Variants in FOXP4 observed in about 807,000 individuals in gnomAD.
FOXP4 encodes the protein forkhead box P4.
A neutral mutation model predicts 82.6 loss-of-function variants in FOXP4; 25 were observed. The ratio of observed to expected loss-of-function variants is 0.30; its 90% CI spans 0.22 to 0.42. The LOEUF (loss-of-function observed/expected upper bound fraction) is 0.42, where lower values mean the gene tolerates loss of function less well. Among genes scored for constraint, FOXP4 ranks in the 10% least tolerant of loss-of-function variants. The probability of loss-of-function intolerance (pLI) is 1.00; values close to 1 mark genes in which losing one functional copy is unlikely to be tolerated. For synonymous variants in FOXP4, 415 were observed against 388.2 expected (o/e 1.07, Z -0.81); for missense variants, 785 against 900.9 (o/e 0.87, Z 1.65).
At chr6:41,567,276 G>A (rs913162638) in intron 2 of FOXP4, among the ~76,000 whole-genome samples, 2 of 152,224 alleles carry the variant, frequency 1.3e-5, no homozygotes, top group Non-Finnish European at 1.5e-5. Flanking sequence ...CAGCTCATTT[G>A]TTGATGTGGA....
intron 3 of FOXP4, among the ~76,000 whole-genome samples, chr6:41,581,014 G>C (rs1298062217): frequency 1.3e-5 from 2 of 152,240 alleles, no homozygotes; most frequent in Non-Finnish European, 2.9e-5. Context: ...TATCATAGAA[G>C]GCAGCACAGG....
At chr6:41,548,238 A>C (rs1040448626) in intron 1 of FOXP4, 1 of 152,102 alleles carries the variant, frequency 6.6e-6, no homozygotes, top group African/African-American at 2.4e-5. Context: ...CCCAACGTCT[A>C]GTCTCCCCGC....
chr6:41,590,815 C>T (rs1482831810), intron 12 of FOXP4, among the ~76,000 whole-genome samples: 1 of 152,224 alleles, frequency 6.6e-6, no homozygotes, highest in Non-Finnish European at 1.5e-5. Context: ...GTCACACACA[C>T]ACTGTGCTTA....
chr6:41,571,489 G>A (rs1251429715), intron 2 of FOXP4, among the ~76,000 whole-genome samples: 1 of 152,184 alleles, frequency 6.6e-6, no homozygotes, highest in African/African-American at 2.4e-5. Flanking sequence ...CATTTTCAAG[G>A]CACTTGGTAG....
chr6:41,570,833 C>T (rs1278267780), intron 2 of FOXP4, among the ~76,000 whole-genome samples: 1 of 152,140 alleles, frequency 6.6e-6, no homozygotes, highest in Non-Finnish European at 1.5e-5. Flanking sequence ...CTAGGGTCAC[C>T]TCATCAGGGC....
chr6:41,547,514 G>A (rs1763713768), intron 1 of FOXP4: 1 of 152,432 alleles, frequency 6.6e-6, no homozygotes, highest in Middle Eastern at 3.4e-3. Flanking sequence ...GTCGCACCTC[G>A]GAAGTGCCAG....
rs887779573 is a variant in FOXP4 at position 41,600,643 on chromosome 6, G to A, written c.*1707G>A. 3.3e-5 allele frequency: 5 copies of A among 152,354 alleles called. No individual in the cohort carries two copies. The highest frequency in any genetic ancestry group is 2.1e-4 in the South Asian group (1 of 4,836). 9.4% of individuals were successfully genotyped at this position (152,354 alleles called of 1,614,324 possible). On this transcript the variant is annotated 3_prime_UTR_variant, in exon 17 of 17. Transcript: ENST00000307972. ...TTCACCGGGCCCTGTGTGTGTCACC[G>A]AGGTGCGGGAGGGGAGGAGCATTAA...
chr6:41,597,350 AGGGTGAAGACCCAAACTCTCC>A, intron 15 of FOXP4, 108 bp downstream of exon 15: 1 of 1,218,694 alleles, frequency 8.2e-7, no homozygotes, highest in East Asian at 2.4e-5. Flanking sequence ...GGAGGGAAGG[AGGGTGAAGACCCAAACTCTCC>A]GAGACCCCAC....
In FOXP4 at chr6:41,588,751, G is replaced by T; in HGVS notation, c.1065+20G>T. On this transcript the variant is annotated intron_variant, in intron 9 of 16. Coordinates refer to ENST00000307972, the MANE Select transcript of FOXP4 (RefSeq NM_001012426.2). ...ATCCAGGTGTGGCCCGGAAGATGCT[G>T]GGGAGGGACATGGTGGGCTCCAGCC... 6.2e-7 allele frequency: 1 copy of T among 1,612,632 alleles called. No homozygotes were observed.
chr6:41,551,687 C>T (rs1764006798), intron 1 of FOXP4, among the ~76,000 whole-genome samples: 1 of 152,142 alleles, frequency 6.6e-6, no homozygotes, highest in African/African-American at 2.4e-5. Flanking sequence ...GAATAGAGAC[C>T]ATCCGGCATT....
chr6:41,551,883 C>T (rs748637431), intron 1 of FOXP4, among the ~76,000 whole-genome samples: 2 of 152,140 alleles, frequency 1.3e-5, no homozygotes, highest in Admixed American at 6.5e-5. Flanking sequence ...TGGTGAAGGG[C>T]AGCAGGAGGG....
At chr6:41,574,813 T>C (rs1375140530) in intron 2 of FOXP4, among the ~76,000 whole-genome samples, 1 of 152,202 alleles carries the variant, frequency 6.6e-6, no homozygotes, top group Admixed American at 6.5e-5. Flanking sequence ...TAACTCGCCC[T>C]TCAGATGGCG....
In FOXP4 at chr6:41,558,548, T is replaced by G. The variant is rs918736048; in HGVS notation, c.-16-7197T>G. 4.6e-5 allele frequency among the ~76,000 whole-genome samples: 7 copies of G among 152,200 alleles called. No individual in the cohort carries two copies. Among genetic ancestry groups the G allele is most frequent in the Non-Finnish European group, 1.0e-4 (7 of 68,034 alleles). ...ACTGGCATTGGCCCCACATTACAGA[T>G]AAGGAAACCAGGGCTCAGACTGGTG... On this transcript the variant is annotated intron_variant, in intron 1 of 16. Transcript: ENST00000307972. The surrounding 1 kb of genome is among the most constrained non-coding windows in gnomAD (Gnocchi z 4.0).
intron 1 of FOXP4, among the ~76,000 whole-genome samples, chr6:41,560,965 G>A (rs1764543278): frequency 6.6e-6 from 1 of 152,190 alleles, no homozygotes; most frequent in South Asian, 2.1e-4. Context: ...CCCAAGGTAG[G>A]TGGAACTCGT....
chr6:41,556,387 C>T (rs1764277932), intron 1 of FOXP4, among the ~76,000 whole-genome samples: 1 of 149,320 alleles, frequency 6.7e-6, no homozygotes, highest in South Asian at 2.1e-4. Context: ...GCAGTGGCGT[C>T]ATCTTGGCTC....
chr6:41,555,636 C>T (rs942693987), intron 1 of FOXP4, among the ~76,000 whole-genome samples: 2 of 152,252 alleles, frequency 1.3e-5, no homozygotes, highest in Non-Finnish European at 2.9e-5. Context: ...CCTTAACCAG[C>T]AGGCCCCCCA....
intron 1 of FOXP4, among the ~76,000 whole-genome samples, chr6:41,552,797 C>T (rs775838005): frequency 2.0e-5 from 3 of 152,084 alleles, no homozygotes; most frequent in African/African-American, 4.8e-5. Flanking sequence ...AGCTGCCCAC[C>T]GATTGTGCTC....
chr6:41,570,115 C>G (rs1765112878), intron 2 of FOXP4: 1 of 353,968 alleles, frequency 2.8e-6, no homozygotes, highest in Non-Finnish European at 5.6e-6. Context: ...CACACACACA[C>G]ACGCAGTCAA....
chr6:41,597,353 G>A, intron 15 of FOXP4, 111 bp downstream of exon 15: 1 of 1,169,764 alleles, frequency 8.5e-7, no homozygotes, highest in Non-Finnish European at 1.2e-6. Flanking sequence ...GGGAAGGAGG[G>A]TGAAGACCCA....
Sources: gnomAD v4.1 joint callset for allele counts (sites outside exome capture counted in the v4.1 genomes callset) on GRCh38, gnomAD v4.1.1 for gene constraint, Gnocchi (gnomAD v3.1) non-coding constraint, MANE v1.5 for transcripts, NCBI Gene and HGNC (gene_info 2026-07-23, HGNC 2026-07-21) for gene names.